The following SNTB1 variants were observed in gnomAD, a reference collection of about 807,000 sequenced individuals.
The protein encoded by SNTB1 is beta-1-syntrophin.
Under a neutral mutation model 48.9 loss-of-function variants are expected in SNTB1, and 36 were observed. The ratio of observed to expected loss-of-function variants is 0.74; its 90% CI spans 0.56 to 0.97. The LOEUF is 0.97. Among genes scored for constraint, SNTB1 ranks in the 50% least tolerant of loss-of-function variants. The pLI, the probability that SNTB1 is intolerant of heterozygous loss-of-function variation, is 0.00. For missense variants in SNTB1, 786 were observed against 703.4 expected, an observed-to-expected ratio of 1.12 and a Z score of -1.33; for synonymous variants, 299 against 294.6, an observed-to-expected ratio of 1.01 and a Z score of -0.15.
chr8:120,636,581 T>G, intron 2 of SNTB1, among the ~76,000 whole-genome samples: 3 of 147,690 alleles, frequency 2.0e-5, no homozygotes, highest in African/African-American at 7.5e-5. Context: ...CTCATCATTT[T>G]TTATGGCTGC....
chr8:120,611,119 G>A (rs1816616373), intron 3 of SNTB1, among the ~76,000 whole-genome samples: 1 of 152,218 alleles, frequency 6.6e-6, no homozygotes, highest in South Asian at 2.1e-4. Flanking sequence ...TGACCCTAGA[G>A]CAAGCACCTA....
chr8:120,764,133 T>C (rs1819475341), intron 1 of SNTB1, among the ~76,000 whole-genome samples: 1 of 152,236 alleles, frequency 6.6e-6, no homozygotes, highest in Non-Finnish European at 1.5e-5. Context: ...TTATTCATTA[T>C]AGTCTTACTT....
At chr8:120,587,404 C>T (rs1344447844) in intron 3 of SNTB1, among the ~76,000 whole-genome samples, 1 of 151,474 alleles carries the variant, frequency 6.6e-6, no homozygotes, top group Non-Finnish European at 1.5e-5. Flanking sequence ...CTGGCCCCAA[C>T]CCACTACCCA....
At chr8:120,691,564 T>C (rs1342703958) in intron 2 of SNTB1, among the ~76,000 whole-genome samples, 3 of 152,178 alleles carry the variant, frequency 2.0e-5, no homozygotes, top group Non-Finnish European at 4.4e-5. Context: ...CATTCCCTTA[T>C]CAAAGGAGAA....
intron 1 of SNTB1, among the ~76,000 whole-genome samples, chr8:120,766,056 C>T (rs1349689452): frequency 6.6e-6 from 1 of 152,174 alleles, no homozygotes; most frequent in Non-Finnish European, 1.5e-5. Flanking sequence ...CAGTACTCAG[C>T]AGCCATTTGA....
intron 2 of SNTB1, among the ~76,000 whole-genome samples, chr8:120,663,627 T>G (rs1438362087): frequency 6.6e-6 from 1 of 151,972 alleles, no homozygotes; most frequent in Non-Finnish European, 1.5e-5. Context: ...CTTGAGTGGC[T>G]TAGAAGTGTA....
chr8:120,549,908 A>C (rs1007456990), intron 4 of SNTB1, among the ~76,000 whole-genome samples: 1 of 152,222 alleles, frequency 6.6e-6, no homozygotes, highest in Non-Finnish European at 1.5e-5. Context: ...TAATCCAGAA[A>C]GCAACACTTT....
chr8:120,739,495 G>A (rs1157623326), intron 1 of SNTB1, among the ~76,000 whole-genome samples: 2 of 152,146 alleles, frequency 1.3e-5, no homozygotes, highest in African/African-American at 4.8e-5. Context: ...AAGCATTTAG[G>A]AACTCAAAGT....
intron 4 of SNTB1, among the ~76,000 whole-genome samples, chr8:120,562,651 A>G (rs1184414743): frequency 6.6e-6 from 1 of 152,210 alleles, no homozygotes; most frequent in Non-Finnish European, 1.5e-5. Context: ...CAGGGTTAGC[A>G]TGGAAACCAC....
intron 2 of SNTB1, among the ~76,000 whole-genome samples, chr8:120,668,755 G>T (rs1817714506): frequency 6.6e-6 from 1 of 152,160 alleles, no homozygotes; most frequent in African/African-American, 2.4e-5. Flanking sequence ...TTTGCATCAA[G>T]AACAGCTGGA....
intron 2 of SNTB1, chr8:120,654,801 A>T (rs781099602): frequency 1.8e-5 from 6 of 336,962 alleles, no homozygotes; most frequent in Non-Finnish European, 3.4e-5. Context: ...AGGCTAATAC[A>T]TAAAACTTGA....
intron 3 of SNTB1, among the ~76,000 whole-genome samples, chr8:120,628,499 G>A (rs779923718): frequency 2.6e-5 from 4 of 152,200 alleles, no homozygotes; most frequent in Non-Finnish European, 5.9e-5. Flanking sequence ...GCTCACGCCT[G>A]TAATCCCAGG....
intron 3 of SNTB1, among the ~76,000 whole-genome samples, chr8:120,585,317 C>T (rs995429853): frequency 1.3e-5 from 2 of 152,212 alleles, no homozygotes; most frequent in African/African-American, 4.8e-5. Context: ...CTGGAGTGCA[C>T]AGGCCCAGCT....
At chr8:120,786,291 A>G (rs1333301536) in intron 1 of SNTB1, among the ~76,000 whole-genome samples, 2 of 152,328 alleles carry the variant, frequency 1.3e-5, no homozygotes, top group East Asian at 1.9e-4. Context: ...AAAGGAAATC[A>G]GGCTGCAGGC....
intron 1 of SNTB1, among the ~76,000 whole-genome samples, chr8:120,761,860 T>C (rs1819426672): frequency 6.6e-6 from 1 of 152,236 alleles, no homozygotes; most frequent in African/African-American, 2.4e-5. Context: ...AGTATTTCTT[T>C]TTTATTAAAA....
intron 4 of SNTB1, among the ~76,000 whole-genome samples, chr8:120,569,490 A>C (rs752151068): frequency 6.6e-6 from 1 of 151,864 alleles, no homozygotes; most frequent in Non-Finnish European, 1.5e-5. Flanking sequence ...CTGCACATCC[A>C]TCTCTCCTTC....
chr8:120,752,463 A>G (rs1010821068), intron 1 of SNTB1, among the ~76,000 whole-genome samples: 2 of 152,134 alleles, frequency 1.3e-5, no homozygotes, highest in South Asian at 4.1e-4. Flanking sequence ...AGGAAAATCA[A>G]TCATTCTAGG....
At chr8:120,615,289 G>T (rs760893704) in intron 3 of SNTB1, among the ~76,000 whole-genome samples, 8 of 152,134 alleles carry the variant, frequency 5.3e-5, no homozygotes, top group Admixed American at 1.3e-4. Flanking sequence ...GAACTCATTA[G>T]CTGCCCATTA....
At chr8:120,583,557 AC>A (rs1563823690) in intron 3 of SNTB1, among the ~76,000 whole-genome samples, 9 of 133,812 alleles carry the variant, frequency 6.7e-5, no homozygotes, top group African/African-American at 2.2e-4. Context: ...ACACACACAC[AC>A]ACAAAACTGG....
Sources: allele counts gnomAD v4.1 joint callset (sites outside exome capture counted in the v4.1 genomes callset), GRCh38; gene constraint gnomAD v4.1.1; transcripts MANE v1.5; gene names NCBI Gene and HGNC (gene_info 2026-07-23, HGNC 2026-07-21).